Variants in ICE1 observed in about 807,000 individuals in gnomAD.
The protein encoded by ICE1 is little elongation complex subunit 1.
ICE1 carries 64 observed loss-of-function variants against 192.7 expected under a neutral mutation model. The ratio of observed to expected loss-of-function variants is 0.33; its 90% CI spans 0.27 to 0.41. The LOEUF is 0.41. Among genes scored for constraint, ICE1 ranks in the 10% least tolerant of loss-of-function variants. The probability of loss-of-function intolerance (pLI) is 1.00; values close to 1 mark genes in which losing one functional copy is unlikely to be tolerated. For missense variants in ICE1, 2,708 were observed against 2,696.0 expected (o/e 1.00, Z -0.10); for synonymous variants, 1,010 against 984.5 (o/e 1.03, Z -0.49).
chr5:5,482,122 T>A (rs1022945787), intron 17 of ICE1, among the ~76,000 whole-genome samples: 1 of 152,234 alleles, frequency 6.6e-6, no homozygotes, highest in African/African-American at 2.4e-5. Context: ...TGTTAATAGT[T>A]TATTTAAAAA....
chr5:5,432,779 A>G (rs6894118), intron 1 of ICE1, among the ~76,000 whole-genome samples: 48,275 of 152,066 alleles, frequency 0.32, 7,909 homozygotes, highest in Non-Finnish European at 0.35. Context: ...TTCAAAAATA[A>G]CTTGTTTCGC....
chr5:5,460,941 G>T lies in ICE1; in HGVS notation c.1607G>T (p.Gly536Val), dbSNP rs773982628. Residue 536 changes from glycine (G) to valine (V), a missense_variant, in exon 13 of 19, where the codon GGC becomes GTC. By Grantham distance (109) the Gly-to-Val change is moderately radical. Transcript: ENST00000296564. The stretch of plus-strand genomic sequence containing the variant: ...TCTGAGTTGTGTTCTTCTCCCCTTG[G>T]CAAAAGGCCATTAAATGAACTCATG... ...GKSELCSSPL[G>V]KRPLNELMES... 4 of 1,613,858 alleles carry T rather than the reference G, an allele frequency of 2.5e-6. No individual in the cohort carries two copies. Among genetic ancestry groups the T allele is most frequent in the Non-Finnish European group, 3.4e-6 (4 of 1,179,904 alleles).
chr5:5,431,792 G>C (rs563849409), intron 1 of ICE1, among the ~76,000 whole-genome samples: 4 of 151,892 alleles, frequency 2.6e-5, no homozygotes, highest in Non-Finnish European at 5.9e-5. Context: ...CTTTCAATTA[G>C]AAATTTCTAG....
chr5:5,465,096 A>G lies in ICE1; in HGVS notation c.5762A>G (p.Lys1921Arg). ...AAAGCCATAGCTAATGCCCTGAAGA[A>G]AATTGCAGAGTTTTCTTTTGATCTG... is the stretch of plus-strand genomic sequence containing the variant. ...HDKAIANALK[K>R]IAEFSFDLLP... Residue 1921 changes from lysine (K) to arginine (R), a missense_variant, in exon 13 of 19, where the codon AAA (lysine) becomes AGA (arginine). Physicochemically the swap from Lys to Arg is conservative, Grantham distance 26 (BLOSUM62 2). This residue lies in a region of ICE1 where 2,366 missense variants were observed against 2,276.6 expected (regional missense o/e 1.04). Coordinates refer to ENST00000296564, the MANE Select transcript of ICE1 (RefSeq NM_015325.3). 1 of 1,613,674 alleles carries G rather than the reference A, an allele frequency of 6.2e-7. No homozygotes were observed.
chr5:5,474,585 C>G (rs1739260409), intron 16 of ICE1, among the ~76,000 whole-genome samples: 1 of 152,202 alleles, frequency 6.6e-6, no homozygotes, highest in African/African-American at 2.4e-5. Context: ...ATTAACTTTT[C>G]TCTGTGCATC....
intron 18 of ICE1, among the ~76,000 whole-genome samples, chr5:5,487,744 A>G (rs756475527): frequency 1.3e-5 from 2 of 152,196 alleles, no homozygotes; most frequent in Non-Finnish European, 2.9e-5. Context: ...CTCTGATACT[A>G]CAGTGGGTGT....
chr5:5,430,491 C>G (rs1337487719), intron 1 of ICE1, among the ~76,000 whole-genome samples: 1 of 152,106 alleles, frequency 6.6e-6, no homozygotes, highest in African/African-American at 2.4e-5. Flanking sequence ...TGTTTAATCA[C>G]AGTTAAATAT....
chr5:5,440,121 C>T (rs1737995651), intron 4 of ICE1, among the ~76,000 whole-genome samples: 1 of 152,168 alleles, frequency 6.6e-6, no homozygotes, highest in South Asian at 2.1e-4. Flanking sequence ...TTACTAAGGT[C>T]TTGAATTACA....
At chr5:5,431,715 C>G (rs1009461459) in intron 1 of ICE1, among the ~76,000 whole-genome samples, 6 of 152,094 alleles carry the variant, frequency 3.9e-5, no homozygotes, top group African/African-American at 1.4e-4. Context: ...TGCTTTGTCT[C>G]CAGTGGTCTG....
chr5:5,467,831 T>G (rs1241415280), intron 14 of ICE1, among the ~76,000 whole-genome samples: 1 of 152,230 alleles, frequency 6.6e-6, no homozygotes, highest in African/African-American at 2.4e-5. Flanking sequence ...TAAAAATCTT[T>G]ACTTTGGAAG....
At chr5:5,485,877 A>G (rs553989334) in intron 17 of ICE1, among the ~76,000 whole-genome samples, 1 of 152,352 alleles carries the variant, frequency 6.6e-6, no homozygotes, top group South Asian at 2.1e-4. Context: ...GATGTTATTG[A>G]CCACGAGGAT....
At chr5:5,468,487 A>G (rs1000180632) in intron 14 of ICE1, among the ~76,000 whole-genome samples, 2 of 152,264 alleles carry the variant, frequency 1.3e-5, no homozygotes, top group Non-Finnish European at 2.9e-5. Flanking sequence ...TATTTTAAAA[A>G]ATTCTTCAAA....
At chr5:5,474,738 A>T (rs186913566) in intron 16 of ICE1, among the ~76,000 whole-genome samples, 1 of 152,204 alleles carries the variant, frequency 6.6e-6, no homozygotes, top group Non-Finnish European at 1.5e-5. Context: ...ATTAAAAAGG[A>T]TGCATCAAAG....
intron 14 of ICE1, 64 bp downstream of exon 14, chr5:5,466,566 A>C: frequency 2.2e-6 from 3 of 1,334,932 alleles, no homozygotes; most frequent in Non-Finnish European, 3.1e-6. Context: ...CTTATACTGG[A>C]GTCTATATTT....
In ICE1 at chr5:5,463,365, G is replaced by A; in HGVS notation, c.4031G>A (p.Ser1344Asn). 2 of 1,613,832 alleles carry A rather than the reference G, an allele frequency of 1.2e-6. No individual in the cohort carries two copies. Among genetic ancestry groups the A allele is most frequent in the Non-Finnish European group, 1.7e-6 (2 of 1,179,854 alleles). The change falls in exon 13 of 19, where the codon AGC becomes AAC. Residue 1344 changes from serine to asparagine, a missense_variant. Around this residue, in one of 2 missense-constraint regions of ICE1, gnomAD observed 2,366 missense variants for 2,276.6 expected, o/e 1.04. Coordinates refer to ENST00000296564, the MANE Select transcript of ICE1 (RefSeq NM_015325.3). The stretch of plus-strand genomic sequence containing the variant: ...ATGCCTCAGAATGAAAACCCTCAGA[G>A]CAGACCAGAGGCCCGTTCAGATGCA... ...SGMPQNENPQ[S>N]RPEARSDAGR...
chr5:5,449,447 A>G (rs994130589), intron 10 of ICE1, among the ~76,000 whole-genome samples: 8 of 151,268 alleles, frequency 5.3e-5, no homozygotes, highest in Non-Finnish European at 1.2e-4. Context: ...AATTCCAACA[A>G]AAATTTTCGA....
chr5:5,451,392 A>G (rs1463179490), intron 10 of ICE1, among the ~76,000 whole-genome samples: 1 of 152,196 alleles, frequency 6.6e-6, no homozygotes, highest in African/African-American at 2.4e-5. Context: ...TTAATGAAAT[A>G]GGAAACAAAG....
At chr5:5,439,052 T>C (rs1485708869) in intron 3 of ICE1, among the ~76,000 whole-genome samples, 1 of 152,182 alleles carries the variant, frequency 6.6e-6, no homozygotes, top group African/African-American at 2.4e-5. Flanking sequence ...GATGGGAAAG[T>C]TATTTCTTCC....
Position 5,463,083 on chromosome 5 carries a change from A to C in ICE1, c.3749A>C (p.Gln1250Pro). The change falls in exon 13 of 19, where the codon CAG (glutamine) becomes CCG (proline). Residue 1250 changes from glutamine (Q) to proline (P), a missense_variant. Around this residue, in one of 2 missense-constraint regions of ICE1, gnomAD observed 2,366 missense variants for 2,276.6 expected, o/e 1.04. Transcript: ENST00000296564. ...GATTATTCGTTAAAAAATACAAGTC[A>C]GCTCACTCAGTGTTCTTTGGAAACT... ...EDDYSLKNTS[Q>P]LTQCSLETLS... The C allele has an allele frequency of 6.2e-7, 1 of 1,613,594 alleles. No homozygotes were observed. Among genetic ancestry groups the C allele is most frequent in the Non-Finnish European group, 8.5e-7 (1 of 1,179,754 alleles).
Sources: gnomAD v4.1 joint callset for allele counts (sites outside exome capture counted in the v4.1 genomes callset) on GRCh38, gnomAD v4.1.1 for gene constraint, gnomAD v4.1.1 regional missense constraint, MANE v1.5 for transcripts, NCBI Gene and HGNC (gene_info 2026-07-23, HGNC 2026-07-21) for gene names.